DENND5B: variants seen among roughly 807,000 people sequenced by gnomAD.
DENND5B encodes the protein DENN domain containing 5B, also known as DENN domain-containing protein 5B.
A neutral mutation model predicts 140.6 loss-of-function variants in DENND5B; 34 were observed. The observed-to-expected ratio is 0.24, with a 90% CI of 0.18 to 0.32. DENND5B has a LOEUF of 0.32. Among genes scored for constraint, DENND5B ranks in the 10% least tolerant of loss-of-function variants. The pLI, the probability that DENND5B is intolerant of heterozygous loss-of-function variation, is 1.00. For synonymous variants in DENND5B, 551 were observed against 562.1 expected (o/e 0.98, Z 0.28); for missense variants, 1,142 against 1,560.2 (o/e 0.73, Z 4.52).
At chr12:31,472,303 C>A (rs895451489) in intron 3 of DENND5B, among the ~76,000 whole-genome samples, 1 of 151,886 alleles carries the variant, frequency 6.6e-6, no homozygotes, top group African/African-American at 2.4e-5. Context: ...AAACAAAAGT[C>A]TTTTTTGAGA....
intron 11 of DENND5B, among the ~76,000 whole-genome samples, chr12:31,417,310 T>TC: frequency 7.9e-6 from 1 of 127,062 alleles, no homozygotes; most frequent in Non-Finnish European, 1.6e-5. Context: ...TGAGCCAAGA[T>TC]CATGCCACTG....
chr12:31,485,091 T>C (rs920995450), intron 2 of DENND5B, among the ~76,000 whole-genome samples: 27 of 152,162 alleles, frequency 1.8e-4, no homozygotes, highest in Admixed American at 3.3e-4. Flanking sequence ...GCGAAATCAT[T>C]ACATCCAAGA....
chr12:31,443,024 C>T (rs1411941156), intron 6 of DENND5B, 99 bp from the exon 7 acceptor site: 1 of 1,098,846 alleles, frequency 9.1e-7, no homozygotes, highest in Non-Finnish European at 1.3e-6. Flanking sequence ...CCCAATCACT[C>T]TGACACTCTG....
chr12:31,429,062 C>T (rs761079113), intron 8 of DENND5B, among the ~76,000 whole-genome samples: 9 of 151,020 alleles, frequency 6.0e-5, no homozygotes, highest in East Asian at 5.9e-4. Context: ...TTTTAAGAGA[C>T]GGGGTTTCAT....
intron 1 of DENND5B, among the ~76,000 whole-genome samples, chr12:31,578,336 A>T (rs550302758): frequency 7.2e-5 from 11 of 152,294 alleles, no homozygotes; most frequent in African/African-American, 2.6e-4. Context: ...ACACACTCCC[A>T]TGGGTGTCCT....
chr12:31,442,186 G>A (rs911209179), intron 7 of DENND5B, among the ~76,000 whole-genome samples: 3 of 152,062 alleles, frequency 2.0e-5, no homozygotes, highest in Non-Finnish European at 2.9e-5. Context: ...AGGCAGAGGT[G>A]AGACATCTGA....
intron 1 of DENND5B, among the ~76,000 whole-genome samples, chr12:31,544,287 A>T (rs982532313): frequency 2.0e-5 from 3 of 152,292 alleles, no homozygotes; most frequent in African/African-American, 2.4e-5. Flanking sequence ...TTTTAATTTT[A>T]ATTTTTATTT....
At chr12:31,483,620 T>C (rs1946165849) in intron 2 of DENND5B, among the ~76,000 whole-genome samples, 1 of 151,808 alleles carries the variant, frequency 6.6e-6, no homozygotes, top group African/African-American at 2.4e-5. Context: ...TCTGTATTTT[T>C]AGTAGAGATG....
intron 8 of DENND5B, among the ~76,000 whole-genome samples, chr12:31,428,977 C>T (rs868576125): frequency 6.6e-5 from 10 of 151,970 alleles, no homozygotes; most frequent in Non-Finnish European, 1.0e-4. Context: ...GTGATCCACC[C>T]GCCTCGGCCT....
chr12:31,445,996 AG>A (rs1315864142), intron 6 of DENND5B, among the ~76,000 whole-genome samples: 1 of 149,764 alleles, frequency 6.7e-6, no homozygotes, highest in Non-Finnish European at 1.5e-5. Context: ...GCAACAAGTG[AG>A]ACCCTGTCTC....
At chr12:31,512,283 G>A (rs546962440) in intron 1 of DENND5B, among the ~76,000 whole-genome samples, 17 of 151,280 alleles carry the variant, frequency 1.1e-4, no homozygotes, top group Middle Eastern at 3.5e-3. Context: ...GTACAACTAC[G>A]GTTCACTGTA....
intron 13 of DENND5B, 42 bp downstream of exon 13, chr12:31,413,394 A>G (rs753219285): frequency 1.3e-6 from 2 of 1,592,656 alleles, no homozygotes; most frequent in Non-Finnish European, 1.7e-6. Flanking sequence ...TTGTATGCAC[A>G]TGGATTATAG....
rs777654926 is a variant in DENND5B, at chr12:31,480,118, A to G, written c.375T>C (p.Ser125=). 4 of 1,613,104 alleles carry G rather than the reference A, an allele frequency of 2.5e-6. No homozygotes were observed. Among genetic ancestry groups the G allele is most frequent in the Non-Finnish European group, 3.4e-6 (4 of 1,179,486 alleles). Residue 125 remains serine (S), a synonymous_variant, in exon 3 of 21, where the codon AGT becomes AGC. Transcript: ENST00000389082. ...FVLTFYEEVT[S]KQICTAMQTL... is the part of the protein sequence containing the mutation. ...TCTGCATTGCTGTGCAGATTTGCTT[A>G]CTTGTAACTTCTTCATAAAAAGTGA...
At position 31,462,330 on chromosome 12, in the gene DENND5B, T is replaced by C. The variant is rs149717301; in HGVS notation, c.905-1949A>G. On this transcript the variant is annotated intron_variant, in intron 3 of 20. Coordinates refer to ENST00000389082, the MANE Select transcript of DENND5B (RefSeq NM_144973.4). ...AGGCAGATGTTTGAACTGTAGGCAA[T>C]ATGGGTCTTTTATCCCAGGGGCGGG... Among the ~76,000 whole-genome samples the C allele has an allele frequency of 3.6e-3, 510 of 142,426 alleles. 1 individual carries two copies. Among genetic ancestry groups the C allele is most frequent in the African/African-American group, 0.013 (472 of 37,688 alleles). The allele number at this position is 142,426 out of a possible 152,430, so 93.4% of individuals were successfully genotyped here.
chr12:31,524,899 C>T (rs936315404), intron 1 of DENND5B, among the ~76,000 whole-genome samples: 19 of 152,062 alleles, frequency 1.2e-4, no homozygotes, highest in African/African-American at 4.1e-4. Context: ...TTCTCTTGCT[C>T]CCTTCCATTC....
rs147849473 is a variant in DENND5B, at chr12:31,503,419, G to T, written c.128-7500C>A. 9.9e-3 allele frequency among the ~76,000 whole-genome samples: 1,513 copies of T among 152,212 alleles called. 27 individuals are homozygous for T. Among genetic ancestry groups the T allele is most frequent in the African/African-American group, 0.034 (1,427 of 41,514 alleles). ...TACAAAAAATATAAAAATTAGCTGG[G>T]CGTGGTGGCAGGTGCTTGTAGTCCC... On this transcript the variant is annotated intron_variant, in intron 1 of 20. Transcript: ENST00000389082.
intron 1 of DENND5B, among the ~76,000 whole-genome samples, chr12:31,525,121 C>T (rs1948040760): frequency 6.6e-6 from 1 of 152,162 alleles, no homozygotes; most frequent in Non-Finnish European, 1.5e-5. Flanking sequence ...AACCCTCATC[C>T]ATTGCTGGTG....
chr12:31,432,873 A>G, intron 8 of DENND5B: 1 of 330,090 alleles, frequency 3.0e-6, no homozygotes, highest in South Asian at 4.5e-5. Context: ...CTCCTATAGG[A>G]GACATAGTAA....
At chr12:31,462,716 T>C (rs1360504171) in intron 3 of DENND5B, among the ~76,000 whole-genome samples, 4 of 152,154 alleles carry the variant, frequency 2.6e-5, no homozygotes, top group African/African-American at 9.7e-5. Flanking sequence ...CCCAGTACTT[T>C]GGGAGACCGA....
Sources: allele counts gnomAD v4.1 joint callset (sites outside exome capture counted in the v4.1 genomes callset), GRCh38; gene constraint gnomAD v4.1.1; transcripts MANE v1.5; gene names NCBI Gene and HGNC (gene_info 2026-07-23, HGNC 2026-07-21).